Variants in WDR44 observed in about 807,000 individuals in gnomAD.
WDR44 encodes the protein WD repeat-containing protein 44.
WDR44 carries 9 observed loss-of-function variants against 65.7 expected under a neutral mutation model. The observed-to-expected ratio is 0.14, with a 90% CI of 0.08 to 0.24. WDR44 has a LOEUF of 0.24. WDR44 is among the 10% of genes least tolerant of loss of function. WDR44 has a pLI of 1.00. For synonymous variants in WDR44, 220 were observed against 235.2 expected (o/e 0.94, Z 0.59); for missense variants, 425 against 670.9 (o/e 0.63, Z 4.05).
chrX:118,363,280 C>G (rs1229488438), intron 1 of WDR44, among the ~76,000 whole-genome samples: 2 of 105,881 alleles, frequency 1.9e-5, no homozygotes, highest in Non-Finnish European at 3.9e-5. Flanking sequence ...CAGGCACTTG[C>G]AATCCCAGCT....
chrX:118,403,615 T>C (rs149196977), intron 8 of WDR44, among the ~76,000 whole-genome samples: 2,483 of 112,009 alleles, frequency 0.022, 71 homozygotes, highest in African/African-American at 0.077. Context: ...TGAGCTCCCA[T>C]GAATCAGTAA....
At chrX:118,367,470 A>G (rs1319374228) in intron 1 of WDR44, among the ~76,000 whole-genome samples, 1 of 111,680 alleles carries the variant, frequency 9.0e-6, no homozygotes, top group East Asian at 2.8e-4. Flanking sequence ...GTACTTGTAG[A>G]TAAATTAAGG....
At chrX:118,366,434 A>T (rs1403236075) in intron 1 of WDR44, among the ~76,000 whole-genome samples, 2 of 111,644 alleles carry the variant, frequency 1.8e-5, no homozygotes, top group East Asian at 5.6e-4. Context: ...TTCTTCTGAC[A>T]TGTCACCATG....
intron 3 of WDR44, among the ~76,000 whole-genome samples, chrX:118,391,941 T>G (rs1184042738): frequency 8.9e-6 from 1 of 111,792 alleles, no homozygotes; most frequent in Non-Finnish European, 1.9e-5. Flanking sequence ...ATCGTGCCAC[T>G]GCACTCCAGC....
chrX:118,426,886 G>A (rs2057161741), intron 12 of WDR44, among the ~76,000 whole-genome samples: 1 of 111,328 alleles, frequency 9.0e-6, no homozygotes, highest in Admixed American at 9.6e-5. Context: ...TCTCATCTTA[G>A]TGTTTTCATA....
Position 118,441,554 on chromosome X carries a change from A to T in WDR44, c.2161A>T (p.Thr721Ser). Residue 721 changes from threonine (T) to serine (S), a missense_variant, in exon 15 of 20, where the codon ACA (threonine) becomes TCA (serine). Transcript: ENST00000254029. ...TYDGRCIFYD[T>S]EHLKYHTQIH... ...TGATGGCAGATGTATTTTCTATGAT[A>T]CAGAGGTAAATGATTGTTTTTTGTA... is the stretch of plus-strand genomic sequence containing the variant. 8.4e-7 allele frequency: 1 copy of T among 1,194,517 alleles called. No homozygotes were observed. The highest frequency in any genetic ancestry group is 1.1e-6 in the Non-Finnish European group (1 of 883,478).
At position 118,448,707 on chromosome X, in the gene WDR44, C is replaced by T. The variant is rs1469972460; in HGVS notation, c.2648-186C>T. Among the ~76,000 whole-genome samples the T allele has an allele frequency of 2.7e-5, 3 of 111,408 alleles. No homozygotes were observed. The East Asian group carries it at 8.5e-4, about 31-fold the overall frequency. ...CTAAGACAAGGTAAGTGAAAGTGAGCCTCAGAGCAGAGGAGAGATTCAGCA... is the reference window on the plus strand; with the variant it reads ...CTAAGACAAGGTAAGTGAAAGTGAGTCTCAGAGCAGAGGAGAGATTCAGCA... On this transcript the variant is annotated intron_variant, in intron 19 of 19. Coordinates refer to ENST00000254029, the MANE Select transcript of WDR44 (RefSeq NM_019045.5).
intron 8 of WDR44, among the ~76,000 whole-genome samples, chrX:118,400,211 A>G (rs2056899951): frequency 9.0e-6 from 1 of 110,973 alleles, no homozygotes; most frequent in Non-Finnish European, 1.9e-5. Context: ...TGTTGGGGTA[A>G]GCTGGCCATC....
At chrX:118,428,418 G>A (rs982770202) in intron 12 of WDR44, among the ~76,000 whole-genome samples, 7 of 110,978 alleles carry the variant, frequency 6.3e-5, no homozygotes, top group Non-Finnish European at 1.3e-4. Flanking sequence ...GGGATTACAG[G>A]GACGAACTAC....
chrX:118,433,520 C>T (rs1253260210), intron 13 of WDR44, among the ~76,000 whole-genome samples: 1 of 111,740 alleles, frequency 8.9e-6, no homozygotes, highest in Non-Finnish European at 1.9e-5. Context: ...GAGCCAGACT[C>T]CCAAGGTACA....
chrX:118,374,024 G>A (rs2056636361), intron 1 of WDR44, among the ~76,000 whole-genome samples: 1 of 110,215 alleles, frequency 9.1e-6, no homozygotes, highest in African/African-American at 3.3e-5. Flanking sequence ...GTGTCACAGT[G>A]GTTTGCTGCA....
At chrX:118,412,842 C>T (rs1004484903) in intron 12 of WDR44, among the ~76,000 whole-genome samples, 2 of 111,517 alleles carry the variant, frequency 1.8e-5, no homozygotes, top group African/African-American at 3.3e-5. Flanking sequence ...TATTCCTCAC[C>T]CTCCTCCCAC....
At chrX:118,424,759 A>G (rs1309688109) in intron 12 of WDR44, among the ~76,000 whole-genome samples, 1 of 111,087 alleles carries the variant, frequency 9.0e-6, no homozygotes, top group Non-Finnish European at 1.9e-5. Flanking sequence ...GTGTGGTGTC[A>G]TATCCAAGAA....
At chrX:118,427,269 G>C (rs1332198541) in intron 12 of WDR44, among the ~76,000 whole-genome samples, 2 of 103,267 alleles carry the variant, frequency 1.9e-5, no homozygotes, top group Non-Finnish European at 4.0e-5. Context: ...ACCATGCCTG[G>C]CTTTTTTTTT....
In WDR44 at chrX:118,433,219, C is replaced by A. The variant is rs184627390; in HGVS notation, c.1851+325C>A. Among the ~76,000 whole-genome samples, 142 of 111,691 alleles carry A rather than the reference C, an allele frequency of 1.3e-3. 1 individual carries two copies. Among genetic ancestry groups the A allele is most frequent in the Non-Finnish European group, 8.3e-4 (44 of 53,099 alleles). The stretch of plus-strand genomic sequence containing the variant: ...ATTAACTGTTATAACCACCTTCTTA[C>A]CAGAATTAACACCTTTTCTTTGAAC... On this transcript the variant is annotated intron_variant, in intron 13 of 19. Transcript: ENST00000254029.
intron 1 of WDR44, among the ~76,000 whole-genome samples, chrX:118,374,895 G>C (rs1240818900): frequency 9.0e-6 from 1 of 111,638 alleles, no homozygotes; most frequent in East Asian, 2.8e-4. Context: ...GAAATGATTT[G>C]ATCACACATA....
At chrX:118,417,031 T>G (rs2057063388) in intron 12 of WDR44, among the ~76,000 whole-genome samples, 1 of 111,929 alleles carries the variant, frequency 8.9e-6, no homozygotes, top group Non-Finnish European at 1.9e-5. Flanking sequence ...TGGTGTCCAT[T>G]TGCATGAAAC....
chrX:118,348,314 A>C (rs1419038752), intron 1 of WDR44, among the ~76,000 whole-genome samples: 2 of 112,083 alleles, frequency 1.8e-5, no homozygotes, highest in Non-Finnish European at 3.8e-5. Flanking sequence ...ACTTGGACCT[A>C]TTTTACTTAT....
At chrX:118,431,035 T>G (rs1399890097) in intron 12 of WDR44, among the ~76,000 whole-genome samples, 1 of 111,361 alleles carries the variant, frequency 9.0e-6, no homozygotes, top group African/African-American at 3.3e-5. Context: ...AACTGTAAAG[T>G]TCTACACGAA....
Sources: gnomAD v4.1 joint callset for allele counts (sites outside exome capture counted in the v4.1 genomes callset) on GRCh38, gnomAD v4.1.1 for gene constraint, MANE v1.5 for transcripts, NCBI Gene and HGNC (gene_info 2026-07-23, HGNC 2026-07-21) for gene names.